DHRS4L2: variants seen among roughly 807,000 people sequenced by gnomAD.
The protein encoded by DHRS4L2 is dehydrogenase/reductase SDR family member 4-like 2.
In DHRS4L2, 22 loss-of-function variants were observed where a neutral mutation model predicts 23.9. That is an observed-to-expected ratio of 0.92 (90% confidence interval 0.66 to 1.31). The LOEUF is 1.31. DHRS4L2 is among the 40% of genes most tolerant of loss of function. The pLI is 0.00. For missense variants in DHRS4L2, 385 were observed against 303.3 expected (o/e 1.27, Z -2.00); for synonymous variants, 141 against 123.7 (o/e 1.14, Z -0.93).
intron 2 of DHRS4L2, among the ~76,000 whole-genome samples, chr14:23,993,021 C>T (rs1409962570): frequency 6.8e-6 from 1 of 147,832 alleles, no homozygotes; most frequent in African/African-American, 2.5e-5. Context: ...TCAATCAAAA[C>T]CCAGCCTCCT....
chr14:23,993,397 G>T (rs1324856830), intron 2 of DHRS4L2, among the ~76,000 whole-genome samples: 6 of 151,718 alleles, frequency 4.0e-5, no homozygotes, highest in African/African-American at 1.2e-4. Context: ...TTAGCACCTA[G>T]TTAACAAGAA....
At chr14:23,984,269 C>T (rs2034102293), upstream of DHRS4L2, among the ~76,000 whole-genome samples, 1 of 151,626 alleles carries the variant, frequency 6.6e-6, no homozygotes, top group Non-Finnish European at 1.5e-5. Context: ...TTACTTTTCA[C>T]ATAACTTTCT....
intron 2 of DHRS4L2, among the ~76,000 whole-genome samples, chr14:23,991,578 G>C (rs913842628): frequency 6.6e-6 from 1 of 151,682 alleles, no homozygotes; most frequent in Non-Finnish European, 1.5e-5. Context: ...AGATGGAATA[G>C]TGACGAGGTT....
At chr14:23,994,908 C>G in intron 2 of DHRS4L2, 124 bp from the exon 3 acceptor site, 5 of 1,238,304 alleles carry the variant, frequency 4.0e-6, no homozygotes, top group Non-Finnish European at 5.7e-6. Flanking sequence ...CTTGGCCTCC[C>G]AAAGTGCTAT....
chr14:23,998,008 C>T (rs1217722607), intron 3 of DHRS4L2, among the ~76,000 whole-genome samples: 8 of 151,812 alleles, frequency 5.3e-5, no homozygotes, highest in African/African-American at 1.7e-4. Flanking sequence ...CAGAATTACC[C>T]CCGATCCATG....
chr14:23,982,374 T>G (rs535918631), intron 1 of DHRS4L2, among the ~76,000 whole-genome samples: 1 of 151,754 alleles, frequency 6.6e-6, no homozygotes, highest in Admixed American at 6.5e-5. Flanking sequence ...AGTTACAGAT[T>G]AACAGCATCT....
At chr14:23,970,351 T>C (rs1340213652) in intron 1 of DHRS4L2, 2 of 362,664 alleles carry the variant, frequency 5.5e-6, no homozygotes, top group South Asian at 3.7e-5. Context: ...GAGAGGGCGG[T>C]GGGGGGCGGG....
At chr14:23,988,725 T>C (rs552311031), upstream of DHRS4L2, 420 of 1,317,612 alleles carry the variant, frequency 3.2e-4, 4 homozygotes, top group South Asian at 1.6e-3. Flanking sequence ...CTTTGATCAC[T>C]CACCAGCCCG....
At chr14:23,990,565 C>A (rs1459228337) in intron 2 of DHRS4L2, among the ~76,000 whole-genome samples, 2 of 151,114 alleles carry the variant, frequency 1.3e-5, no homozygotes, top group Non-Finnish European at 3.0e-5. Flanking sequence ...CCTTGAGTAC[C>A]CCAAAGAAAC....
intron 1 of DHRS4L2, among the ~76,000 whole-genome samples, chr14:23,981,876 G>A (rs917194866): frequency 1.3e-5 from 2 of 151,712 alleles, no homozygotes; most frequent in Non-Finnish European, 2.9e-5. Flanking sequence ...GAATAACAAG[G>A]CAGCATTGCT....
chr14:24,000,823 T>C (rs2034470910), intron 3 of DHRS4L2, 40 bp from the exon 4 acceptor site: 4 of 1,569,052 alleles, frequency 2.5e-6, no homozygotes, highest in Non-Finnish European at 3.5e-6. Flanking sequence ...CCTCCAGTGC[T>C]CTTCACTCAT....
intron 1 of DHRS4L2, among the ~76,000 whole-genome samples, chr14:23,971,252 CAAA>C (rs1221465264): frequency 6.6e-6 from 1 of 151,592 alleles, no homozygotes. Flanking sequence ...TAAAAACCTT[CAAA>C]AAAAGGTTAA....
chr14:23,988,788 T>G, upstream of DHRS4L2: 2 of 1,403,562 alleles, frequency 1.4e-6, no homozygotes. Context: ...GCGGGGCGAC[T>G]GGCGGGCGGC....
Position 24,001,027 on chromosome 14 carries a change from T to C in DHRS4L2, c.480-6T>C, listed in dbSNP as rs2034476839. On this transcript the variant is annotated splice_polypyrimidine_tract_variant and splice_region_variant and intron_variant, in intron 4 of 7. Transcript: ENST00000335125. The stretch of plus-strand genomic sequence containing the variant: ...GGGAAGACGGTCAGCTCTCTTCTTT[T>C]TCCAGAGGCGGCTCAGTGGTGATCG... The C allele has an allele frequency of 1.2e-6, 2 of 1,611,452 alleles. No homozygotes were observed. The highest frequency in any genetic ancestry group is 1.7e-6 in the Non-Finnish European group (2 of 1,179,482).
At chr14:23,992,111 A>G (rs1314998210) in intron 2 of DHRS4L2, among the ~76,000 whole-genome samples, 2 of 151,694 alleles carry the variant, frequency 1.3e-5, no homozygotes, top group East Asian at 3.9e-4. Context: ...ACATTCTTGC[A>G]GCAAATAAGA....
chr14:23,975,466 C>G (rs112410223), intron 1 of DHRS4L2, among the ~76,000 whole-genome samples: 160 of 151,716 alleles, frequency 1.1e-3, no homozygotes, highest in Middle Eastern at 3.4e-3. Flanking sequence ...GCATGCTCAT[C>G]GATAGGAAGA....
At chr14:23,988,918 G>C, upstream of DHRS4L2, 3 of 1,609,260 alleles carry the variant, frequency 1.9e-6, no homozygotes, top group Non-Finnish European at 2.5e-6. Flanking sequence ...CCGCTGGAAG[G>C]AGTGGAACCC....
chr14:24,005,222 GTCTTT>G (rs766439747), intron 7 of DHRS4L2, among the ~76,000 whole-genome samples: 126 of 110,036 alleles, frequency 1.1e-3, no homozygotes, highest in Middle Eastern at 7.4e-3. Context: ...GTTTTTCTTT[GTCTTT>G]TCTTTTCTTT....
At chr14:23,975,321 C>A (rs1309753360) in intron 1 of DHRS4L2, among the ~76,000 whole-genome samples, 1 of 151,644 alleles carries the variant, frequency 6.6e-6, no homozygotes, top group Admixed American at 6.6e-5. Context: ...GAGTGAAGTC[C>A]CATTCACAAT....
Sources: allele counts gnomAD v4.1 joint callset (sites outside exome capture counted in the v4.1 genomes callset), GRCh38; gene constraint gnomAD v4.1.1; transcripts MANE v1.5; gene names NCBI Gene and HGNC (gene_info 2026-07-23, HGNC 2026-07-21).